The following UNC93B1 variants were observed in gnomAD, a reference collection of about 807,000 sequenced individuals.
UNC93B1 encodes unc-93B1 regulator of TLR signaling.
Under a neutral mutation model 56.8 loss-of-function variants are expected in UNC93B1, and 33 were observed. That is an observed-to-expected ratio of 0.58 (90% CI 0.44 to 0.78). The LOEUF (loss-of-function observed/expected upper bound fraction) is 0.78, where lower values mean the gene tolerates loss of function less well. UNC93B1 is among the 30% of genes least tolerant of loss of function. The pLI, the probability that UNC93B1 is intolerant of heterozygous loss-of-function variation, is 0.00. For missense variants in UNC93B1, 673 were observed against 819.5 expected (o/e 0.82, Z 2.18); for synonymous variants, 334 against 358.6 (o/e 0.93, Z 0.77).
intron 9 of UNC93B1, among the ~76,000 whole-genome samples, chr11:67,994,567 G>A (rs940833713): frequency 6.6e-6 from 1 of 152,132 alleles, no homozygotes; most frequent in Non-Finnish European, 1.5e-5. Context: ...GACCCCCCGG[G>A]GTTCACCGGA....
In UNC93B1 at chr11:68,004,049, G is replaced by A. The variant is rs1423638760; in HGVS notation, c.-6C>T. 1.5e-5 allele frequency: 21 copies of A among 1,375,068 alleles called. No homozygotes were observed. In the Admixed American group the frequency reaches 6.0e-4, roughly 39 times the overall value. The allele number at this position is 1,375,068 out of a possible 1,614,324, so 85.2% of individuals were successfully genotyped here. On this transcript the variant is annotated 5_prime_UTR_variant, in exon 1 of 11. Coordinates refer to ENST00000227471, the MANE Select transcript of UNC93B1 (RefSeq NM_030930.4). ...AGCGGCGGCTCCGCCTCCATGGCCC[G>A]AACTACTGCGGACTCGCGGCGGTCG... is the stretch of plus-strand genomic sequence containing the variant.
At chr11:68,002,517 G>A (rs988351913) in intron 3 of UNC93B1, among the ~76,000 whole-genome samples, 4 of 152,320 alleles carry the variant, frequency 2.6e-5, no homozygotes, top group African/African-American at 4.8e-5. Context: ...ACTGTGGACC[G>A]GTGATGGGGA....
chr11:67,995,129 G>A (rs530068479), intron 9 of UNC93B1, among the ~76,000 whole-genome samples: 6 of 152,296 alleles, frequency 3.9e-5, no homozygotes, highest in East Asian at 3.9e-4. Context: ...CACATGCTCC[G>A]TGAAGCAGAG....
At chr11:67,996,918 C>A in intron 7 of UNC93B1, 134 bp from the exon 8 acceptor site, 1 of 1,130,210 alleles carries the variant, frequency 8.8e-7, no homozygotes, top group Non-Finnish European at 1.2e-6. Context: ...CAGGGCCCCG[C>A]CCCTGAGACA....
In UNC93B1 at chr11:68,003,343, G is replaced by A. The variant is rs1435281022; in HGVS notation, c.239-168C>T. ...CCGGGCTGCGCCACGCCTTCTGCCAGCCCGCGGCCACTTGGCCAGCTAAGC... is the reference window on the plus strand; with the variant it reads ...CCGGGCTGCGCCACGCCTTCTGCCAACCCGCGGCCACTTGGCCAGCTAAGC... On this transcript the variant is annotated intron_variant, in intron 2 of 10. Coordinates refer to ENST00000227471, the MANE Select transcript of UNC93B1 (RefSeq NM_030930.4). The surrounding 1 kb of genome is among the most constrained non-coding windows in gnomAD (Gnocchi z 4.4). 1.6e-5 allele frequency: 16 copies of A among 975,508 alleles called. No individual in the cohort carries two copies. The highest frequency in any genetic ancestry group is 3.4e-5 in the African/African-American group (2 of 59,032). 60.4% of individuals were successfully genotyped at this position (975,508 alleles called of 1,614,324 possible).
chr11:67,996,811 G>T (rs1231821179), intron 7 of UNC93B1, 27 bp from the exon 8 acceptor site: 7 of 1,509,894 alleles, frequency 4.6e-6, no homozygotes, highest in South Asian at 1.3e-5. Flanking sequence ...TGAAGGGGCG[G>T]CCAGCCAGGC....
intron 5 of UNC93B1, 46 bp downstream of exon 5, chr11:67,999,127 C>A: frequency 6.2e-7 from 1 of 1,610,534 alleles, no homozygotes; most frequent in Non-Finnish European, 8.5e-7. Flanking sequence ...GGCTCCAATG[C>A]GTGGGTCTGC....
chr11:68,003,840 G>T lies in UNC93B1; in HGVS notation c.97-42C>A, dbSNP rs576376217. The T allele has an allele frequency of 7.0e-6, 10 of 1,423,514 alleles. No homozygotes were observed. The African/African-American group carries it at 7.4e-5, about 11-fold the overall frequency. The allele number at this position is 1,423,514 out of a possible 1,614,324, so 88.2% of individuals were successfully genotyped here. A position where few individuals can be genotyped will look rare whatever the true frequency, so the allele number is the denominator to read the frequency against. On this transcript the variant is annotated intron_variant, in intron 1 of 10. Transcript: ENST00000227471. This position sits in a 1 kb window ranked among gnomAD's most constrained non-coding sequence, Gnocchi z 4.4. ...CCGCTCGCACCCGCGATCGCGCCCC[G>T]AACCCGTGTCCCCCGGTGCCCGCCG...
At position 67,995,607 on chromosome 11, in the gene UNC93B1, T is replaced by G. The variant is rs774126313; in HGVS notation, c.1363+4A>C. Reference sequence around the variant, plus strand: ...CCCCCCCCAGTGCCCACAGCTATACTCACTGCTGAGTCCAGTCTTGTTCAG... The same window carrying G: ...CCCCCCCCAGTGCCCACAGCTATACGCACTGCTGAGTCCAGTCTTGTTCAG... On this transcript the variant is annotated splice_donor_region_variant and intron_variant, in intron 9 of 10. Transcript: ENST00000227471. 20 of 636,764 alleles carry G rather than the reference T, an allele frequency of 3.1e-5. No homozygotes were observed. The Admixed American group carries it at 3.3e-4, about 11-fold the overall frequency. 39.4% of individuals were successfully genotyped at this position (636,764 alleles called of 1,614,324 possible).
chr11:67,991,642 G>C lies in UNC93B1; in HGVS notation c.1698C>G (p.Pro566=). ...HGDGAEEEAP[P]AGPRPGPEPA... ...GCTCGGGGCCAGGCCTGGGCCCTGC[G>C]GGCGGCGCCTCCTCCTCCGCGCCGT... The change falls in exon 11 of 11, where the codon CCC becomes CCG. Residue 566 remains proline (P), a synonymous_variant. Transcript: ENST00000227471. 2.6e-6 allele frequency: 4 copies of C among 1,522,418 alleles called. No individual in the cohort carries two copies. Among genetic ancestry groups the C allele is most frequent in the Non-Finnish European group, 3.5e-6 (4 of 1,141,964 alleles). The allele number at this position is 1,522,418 out of a possible 1,614,324, so 94.3% of individuals were successfully genotyped here.
In UNC93B1 at chr11:67,991,124, T is replaced by G; in HGVS notation, c.*422A>C. The G allele has an allele frequency of 5.9e-6, 1 of 169,246 alleles. No homozygotes were observed. The highest frequency in any genetic ancestry group is 1.3e-5 in the Non-Finnish European group (1 of 79,926). 10.5% of individuals were successfully genotyped at this position (169,246 alleles called of 1,614,324 possible). A position where few individuals can be genotyped will look rare whatever the true frequency, so the allele number is the denominator to read the frequency against. ...GTCAGGACAGTACAAAATCTCTTTA[T>G]TGCTCATTTTCTGTAAAAAATCGTG... On this transcript the variant is annotated 3_prime_UTR_variant, in exon 11 of 11. Coordinates refer to ENST00000227471, the MANE Select transcript of UNC93B1 (RefSeq NM_030930.4).
intron 3 of UNC93B1, among the ~76,000 whole-genome samples, chr11:68,002,576 G>T (rs1167398922): frequency 6.6e-6 from 1 of 152,146 alleles, no homozygotes; most frequent in Non-Finnish European, 1.5e-5. Context: ...GAGCTCTGGG[G>T]CACCTGCCCA....
At chr11:68,001,480 C>T (rs374337074) in intron 3 of UNC93B1, among the ~76,000 whole-genome samples, 2 of 151,750 alleles carry the variant, frequency 1.3e-5, no homozygotes, top group Non-Finnish European at 1.5e-5. Flanking sequence ...AACTCCCCAT[C>T]GCTACAAATA....
rs1429067086 is a variant in UNC93B1, at chr11:67,996,607, C to T, written c.1084G>A (p.Ala362Thr). 7 of 1,547,778 alleles carry T rather than the reference C, an allele frequency of 4.5e-6. No individual in the cohort carries two copies. Among genetic ancestry groups the T allele is most frequent in the Non-Finnish European group, 5.2e-6 (6 of 1,144,108 alleles). Reference protein sequence around the residue: ...FEVLFACTGIALGYGVCSVGL... With the variant: ...FEVLFACTGITLGYGVCSVGL... ...CCTTTGCAGGCTGTACTTACCAAGG[C>T]GATACCAGTGCAGGCAAAGAGCACC... The change falls in exon 8 of 11, where the codon GCC becomes ACC. Residue 362 changes from alanine (A) to threonine (T), a missense_variant. By Grantham distance (58) the Ala-to-Thr change is moderately conservative. Coordinates refer to ENST00000227471, the MANE Select transcript of UNC93B1 (RefSeq NM_030930.4).
rs1406427177 is a variant in UNC93B1 at position 67,999,693 on chromosome 11, G to A, written c.393-13C>T. ...CGTTCCAAAAAACCTGCGGACAGTG[G>A]GAGAGATGCTGGCACCACAGGCCTG... On this transcript the variant is annotated splice_polypyrimidine_tract_variant and intron_variant, in intron 3 of 10. Coordinates refer to ENST00000227471, the MANE Select transcript of UNC93B1 (RefSeq NM_030930.4). 14 of 1,608,528 alleles carry A rather than the reference G, an allele frequency of 8.7e-6. No homozygotes were observed. The Admixed American group carries it at 2.3e-4, about 27-fold the overall frequency.
At chr11:67,997,840 G>A (rs747197906) in intron 6 of UNC93B1, 41 bp from the exon 7 acceptor site, 1 of 1,591,894 alleles carries the variant, frequency 6.3e-7, no homozygotes. Flanking sequence ...GCAGAGAGTA[G>A]GGCACACAGT....
rs201959670 is a variant in UNC93B1, at chr11:67,993,691, C to T, written c.1467G>A (p.Ser489=). 413 of 1,200,286 alleles carry T rather than the reference C, an allele frequency of 3.4e-4. 2 individuals are homozygous for T. In the East Asian group the frequency reaches 3.5e-3, roughly 10 times the overall value. The allele number at this position is 1,200,286 out of a possible 1,614,324, so 74.4% of individuals were successfully genotyped here. A position where few individuals can be genotyped will look rare whatever the true frequency, so the allele number is the denominator to read the frequency against. ...AVAIFTVYLG[S]SLHMKAKLAV... Reference sequence around the variant, plus strand: ...CCAGTCTCACCTTCATGTGCAGGCTCGAGCCCAGGTACACGGTGAAGATGG... The same window carrying T: ...CCAGTCTCACCTTCATGTGCAGGCTTGAGCCCAGGTACACGGTGAAGATGG... Residue 489 remains serine, a synonymous_variant, in exon 10 of 11, where the codon TCG becomes TCA. Coordinates refer to ENST00000227471, the MANE Select transcript of UNC93B1 (RefSeq NM_030930.4).
rs1421037162 is a variant in UNC93B1 at position 67,997,677 on chromosome 11, G to C, written c.904C>G (p.Leu302Val). Residue 302 changes from leucine (L) to valine (V), a missense_variant and splice_region_variant, in exon 7 of 11, where the codon CTG becomes GTG. Leu to Val is a conservative substitution (Grantham distance 32, BLOSUM62 1). Coordinates refer to ENST00000227471, the MANE Select transcript of UNC93B1 (RefSeq NM_030930.4). ...LMAVAFLAML[L>V]VLGLCGAAYR... ...CCTGCCCCCATCCCGGGCCGCACCA[G>C]CAGCATGGCCAGGAAGGCCACTGCC... 2.5e-6 allele frequency: 4 copies of C among 1,603,588 alleles called. No individual in the cohort carries two copies. The highest frequency in any genetic ancestry group is 1.7e-5 in the Admixed American group (1 of 60,028).
chr11:68,003,245 A>T lies in UNC93B1; in HGVS notation c.239-70T>A. ...TGGGCGCCACCGAGCAGAAGACGGC[A>T]TGCAGGCCTCGCAGGGAGCTCCAAT... On this transcript the variant is annotated intron_variant, in intron 2 of 10. Transcript: ENST00000227471. The surrounding 1 kb of genome is among the most constrained non-coding windows in gnomAD (Gnocchi z 4.4). The T allele has an allele frequency of 6.8e-7, 1 of 1,461,136 alleles. No individual in the cohort carries two copies. Among genetic ancestry groups the T allele is most frequent in the South Asian group, 1.4e-5 (1 of 73,552 alleles). The allele number at this position is 1,461,136 out of a possible 1,614,324, so 90.5% of individuals were successfully genotyped here.
Sources: gnomAD v4.1 joint callset for allele counts (sites outside exome capture counted in the v4.1 genomes callset) on GRCh38, gnomAD v4.1.1 for gene constraint, Gnocchi (gnomAD v3.1) non-coding constraint, MANE v1.5 for transcripts, NCBI Gene and HGNC (gene_info 2026-07-23, HGNC 2026-07-21) for gene names.